Variants in PLCD4 observed in about 807,000 individuals in gnomAD.
The protein encoded by PLCD4 is 1-phosphatidylinositol 4,5-bisphosphate phosphodiesterase delta-4.
Under a neutral mutation model 90.2 loss-of-function variants are expected in PLCD4, and 63 were observed. The ratio of observed to expected loss-of-function variants is 0.70; its 90% CI spans 0.57 to 0.86. The LOEUF is 0.86. Ranked by LOEUF, PLCD4 falls within the 40% of genes least tolerant of loss-of-function variation. The probability of loss-of-function intolerance (pLI) is 0.00; values close to 1 mark genes in which losing one functional copy is unlikely to be tolerated. For missense variants in PLCD4, 830 were observed against 956.3 expected (o/e 0.87, Z 1.74); for synonymous variants, 294 against 356.5 (o/e 0.82, Z 1.97).
In PLCD4 at chr2:218,617,406, A is replaced by G. The variant is rs941125924; in HGVS notation, c.182-1173A>G. On this transcript the variant is annotated intron_variant, in intron 3 of 15. Coordinates refer to ENST00000450993, the MANE Select transcript of PLCD4 (RefSeq NM_032726.4). ...AGCCTGGCCAACATGGTGAAACCCCATCTCTACTAGAAATACAAAAATTAG... is the reference window on the plus strand; with the variant it reads ...AGCCTGGCCAACATGGTGAAACCCCGTCTCTACTAGAAATACAAAAATTAG... Among the ~76,000 whole-genome samples, 27 of 151,094 alleles carry G rather than the reference A, an allele frequency of 1.8e-4. 3 individuals are homozygous for G. The highest frequency in any genetic ancestry group is 1.5e-3 in the Admixed American group (23 of 15,172).
rs770905895 is a variant in PLCD4 at position 218,615,717 on chromosome 2, G to A, written c.-23G>A. On this transcript the variant is annotated 5_prime_UTR_variant, in exon 2 of 16. Coordinates refer to ENST00000450993, the MANE Select transcript of PLCD4 (RefSeq NM_032726.4). ...TCCTTGCTCCTTTAGGTGATCTGGT[G>A]CCAGCTGGTGGAACAGTGGGTGATG... is the stretch of plus-strand genomic sequence containing the variant. The A allele has an allele frequency of 8.1e-6, 13 of 1,597,454 alleles. No individual in the cohort carries two copies. In the South Asian group the frequency reaches 1.4e-4, roughly 17 times the overall value.
At position 218,608,037 on chromosome 2, in the gene PLCD4, AAC is replaced by A. The variant is rs1379912175; in HGVS notation, c.-63_-62del. ...GGAGGCACAGCTCACAGACACAGGA[AAC>A]ACAGGACTGCTATTCTGCTCTCCTG... On this transcript the variant is annotated 5_prime_UTR_variant, in exon 1 of 16. Coordinates refer to ENST00000450993, the MANE Select transcript of PLCD4 (RefSeq NM_032726.4). 5 of 152,290 alleles carry A rather than the reference AAC, an allele frequency of 3.3e-5. No homozygotes were observed. The highest frequency in any genetic ancestry group is 2.1e-4 in the South Asian group (1 of 4,826). The allele number at this position is 152,290 out of a possible 1,614,324, so 9.4% of individuals were successfully genotyped here. A position where few individuals can be genotyped will look rare whatever the true frequency, so the allele number is the denominator to read the frequency against.
Position 218,634,363 on chromosome 2 carries a change from C to T in PLCD4, c.1724-95C>T, listed in dbSNP as rs375570961. ...TATCAGTGGATATTACCAGCAGGTA[C>T]CGTGCACCCAGTACCTATCTTCTTA... On this transcript the variant is annotated intron_variant, in intron 12 of 15. Transcript: ENST00000450993. The surrounding 1 kb of genome is among the most constrained non-coding windows in gnomAD (Gnocchi z 4.0). The T allele has an allele frequency of 7.6e-6, 12 of 1,571,332 alleles. No homozygotes were observed. The East Asian group carries it at 2.2e-4, about 29-fold the overall frequency.
rs537617601 is a variant in PLCD4 at position 218,613,722 on chromosome 2, C to T, written c.-33-1985C>T. ...GGGACCACAAGTGTACACTACCACA[C>T]TCGGCTAATTTAAAAAAATTCTTTG... On this transcript the variant is annotated intron_variant, in intron 1 of 15. Transcript: ENST00000450993. Among the ~76,000 whole-genome samples the T allele has an allele frequency of 2.0e-4, 30 of 152,252 alleles. No individual in the cohort carries two copies. The East Asian group carries it at 4.3e-3, about 22-fold the overall frequency.
chr2:218,627,275 A>T, intron 6 of PLCD4, among the ~76,000 whole-genome samples: 1 of 151,770 alleles, frequency 6.6e-6, no homozygotes, highest in Middle Eastern at 3.4e-3. Context: ...ATAAATAAAT[A>T]AATAAATTAA....
intron 9 of PLCD4, among the ~76,000 whole-genome samples, chr2:218,631,341 T>A (rs1001612714): frequency 6.6e-6 from 1 of 152,118 alleles, no homozygotes; most frequent in African/African-American, 2.4e-5. Context: ...GTTTTTGTAT[T>A]TTAGTAGAGA....
intron 6 of PLCD4, among the ~76,000 whole-genome samples, chr2:218,627,231 A>G (rs1696156746): frequency 6.6e-6 from 1 of 151,798 alleles, no homozygotes; most frequent in Non-Finnish European, 1.5e-5. Context: ...ACTGCACTCC[A>G]GCCTGGGAGA....
At chr2:218,630,412 C>A (rs1475807712) in intron 8 of PLCD4, among the ~76,000 whole-genome samples, 1 of 152,104 alleles carries the variant, frequency 6.6e-6, no homozygotes, top group African/African-American at 2.4e-5. Context: ...AGACTTGGCA[C>A]AGGTATGAGA....
At chr2:218,612,319 T>C (rs996527952) in intron 1 of PLCD4, among the ~76,000 whole-genome samples, 1 of 152,220 alleles carries the variant, frequency 6.6e-6, no homozygotes, top group Admixed American at 6.5e-5. Context: ...AGGAAACACT[T>C]TGGGTCCCTT....
chr2:218,632,740 C>A (rs916770615), intron 10 of PLCD4, among the ~76,000 whole-genome samples: 12 of 151,960 alleles, frequency 7.9e-5, no homozygotes, highest in South Asian at 2.1e-4. Flanking sequence ...GTAGGGGTTA[C>A]TGGAATGATT....
At chr2:218,615,648 C>A (rs1695541634) in intron 1 of PLCD4, 59 bp from the exon 2 acceptor site, 1 of 1,422,382 alleles carries the variant, frequency 7.0e-7, no homozygotes, top group South Asian at 1.5e-5. Flanking sequence ...AAGCAAAAAT[C>A]AGCTACAGAC....
At position 218,634,403 on chromosome 2, in the gene PLCD4, G is replaced by C; in HGVS notation, c.1724-55G>C. The C allele has an allele frequency of 6.3e-7, 1 of 1,584,758 alleles. No homozygotes were observed. Among genetic ancestry groups the C allele is most frequent in the Non-Finnish European group, 8.6e-7 (1 of 1,164,594 alleles). On this transcript the variant is annotated intron_variant, in intron 12 of 15. Transcript: ENST00000450993. This position sits in a 1 kb window ranked among gnomAD's most constrained non-coding sequence, Gnocchi z 4.0. ...CTATCTTCTTAACTCCCTGAAAGAGGGGCTGGAAGGCCTCCATGGTGAATC... is the reference window on the plus strand; with the variant it reads ...CTATCTTCTTAACTCCCTGAAAGAGCGGCTGGAAGGCCTCCATGGTGAATC...
At chr2:218,633,964 C>A in intron 11 of PLCD4, 141 bp from the exon 12 acceptor site, 1 of 1,273,394 alleles carries the variant, frequency 7.9e-7, no homozygotes, top group Non-Finnish European at 1.1e-6. Context: ...TCTGGATGGA[C>A]AGAGTAGAGA....
intron 9 of PLCD4, among the ~76,000 whole-genome samples, chr2:218,631,873 TC>T (rs1377203318): frequency 6.6e-6 from 1 of 152,154 alleles, no homozygotes; most frequent in Non-Finnish European, 1.5e-5. Flanking sequence ...GACATGTAAA[TC>T]TCTAATCTAT....
Position 218,632,271 on chromosome 2 carries a change from G to A in PLCD4, c.1408G>A (p.Glu470Lys). 2.5e-6 allele frequency: 4 copies of A among 1,611,302 alleles called. No homozygotes were observed. Among genetic ancestry groups the A allele is most frequent in the South Asian group, 1.1e-5 (1 of 90,284 alleles). ...GGAGTCCCAGTTTGAGACTGAGCCTGAGCCCCAGGAGCAGAACCTTCAGAA... is the reference window on the plus strand; with the variant it reads ...GGAGTCCCAGTTTGAGACTGAGCCTAAGCCCCAGGAGCAGAACCTTCAGAA... ...ALESQFETEPEPQEQNLQNKD... is the reference protein window; with the variant it reads ...ALESQFETEPKPQEQNLQNKD... Residue 470 changes from glutamate (E) to lysine (K), a missense_variant, in exon 10 of 16, where the codon GAG (glutamate) becomes AAG (lysine). Physicochemically the swap from Glu to Lys is moderately conservative, Grantham distance 56. Coordinates refer to ENST00000450993, the MANE Select transcript of PLCD4 (RefSeq NM_032726.4).
chr2:218,619,451 G>A (rs1033487549), intron 4 of PLCD4, among the ~76,000 whole-genome samples: 3 of 151,782 alleles, frequency 2.0e-5, no homozygotes, highest in African/African-American at 4.8e-5. Flanking sequence ...ATGCCACCAC[G>A]CCCAGCTAAT....
intron 7 of PLCD4, 192 bp downstream of exon 7, chr2:218,628,422 TG>T (rs1696210259): frequency 1.8e-6 from 1 of 545,612 alleles, no homozygotes; most frequent in Non-Finnish European, 3.2e-6. Flanking sequence ...TATGGGTCAA[TG>T]GAACTTCTCT....
chr2:218,620,952 C>A (rs1342351029), intron 4 of PLCD4, among the ~76,000 whole-genome samples: 1 of 143,010 alleles, frequency 7.0e-6, no homozygotes, highest in East Asian at 2.1e-4. Flanking sequence ...TGTTTTGAGA[C>A]AGAATCTCAC....
At position 218,634,072 on chromosome 2, in the gene PLCD4, C is replaced by G. The variant is rs1013536222; in HGVS notation, c.1607-33C>G. ...ACTAGGGAAGTGGGAGATTCCACCC[C>G]ACTTCCATCTCCCTCTCTATACCCT... is the stretch of plus-strand genomic sequence containing the variant. On this transcript the variant is annotated intron_variant, in intron 11 of 15. Transcript: ENST00000450993. This position sits in a 1 kb window ranked among gnomAD's most constrained non-coding sequence, Gnocchi z 4.0. The G allele has an allele frequency of 1.9e-6, 3 of 1,575,256 alleles. No individual in the cohort carries two copies. The highest frequency in any genetic ancestry group is 2.6e-6 in the Non-Finnish European group (3 of 1,160,102).
Sources: allele counts gnomAD v4.1 joint callset (sites outside exome capture counted in the v4.1 genomes callset), GRCh38; gene constraint gnomAD v4.1.1; non-coding constraint Gnocchi (gnomAD v3.1); transcripts MANE v1.5; gene names NCBI Gene and HGNC (gene_info 2026-07-23, HGNC 2026-07-21).